Variants in BEST3 observed in about 807,000 individuals in gnomAD.
BEST3 encodes the protein bestrophin 3.
Under a neutral mutation model 47.1 loss-of-function variants are expected in BEST3, and 50 were observed. The ratio of observed to expected loss-of-function variants is 1.06; its 90% confidence interval spans 0.85 to 1.34. The LOEUF is 1.34. BEST3 is among the 40% of genes most tolerant of loss of function. BEST3 has a pLI of 0.00. For synonymous variants in BEST3, 282 were observed against 298.8 expected (o/e 0.94, Z 0.58); for missense variants, 765 against 817.0 (o/e 0.94, Z 0.78).
At chr12:69,670,578 C>T (rs369898375) in intron 9 of BEST3, 2 of 702,366 alleles carry the variant, frequency 2.8e-6, no homozygotes, top group African/African-American at 1.7e-5. Flanking sequence ...AGCGAGATCT[C>T]CTGAAAGTAG....
At chr12:69,647,564 T>C (rs1883077759) in intron 9 of BEST3, among the ~76,000 whole-genome samples, 1 of 152,124 alleles carries the variant, frequency 6.6e-6, no homozygotes, top group African/African-American at 2.4e-5. Context: ...ATGTAGAACT[T>C]ATGAAAGGTT....
intron 4 of BEST3, among the ~76,000 whole-genome samples, chr12:69,691,275 G>T (rs1386799457): frequency 6.6e-6 from 1 of 152,090 alleles, no homozygotes; most frequent in Non-Finnish European, 1.5e-5. Flanking sequence ...CAAGCCTATG[G>T]GATATATGAG....
chr12:69,661,772 C>A (rs577611274), intron 9 of BEST3, among the ~76,000 whole-genome samples: 1 of 152,282 alleles, frequency 6.6e-6, no homozygotes, highest in South Asian at 2.1e-4. Context: ...TCCAGAGCAT[C>A]CTAGAAGGTA....
intron 3 of BEST3, 47 bp from the exon 4 acceptor site, chr12:69,693,954 G>A (rs201934003): frequency 1.8e-5 from 25 of 1,401,786 alleles, no homozygotes; most frequent in Middle Eastern, 3.6e-4. Flanking sequence ...CAGCAGACAC[G>A]TTGGTGACAC....
intron 4 of BEST3, among the ~76,000 whole-genome samples, chr12:69,687,979 A>G (rs1747034011): frequency 6.6e-6 from 1 of 152,246 alleles, no homozygotes; most frequent in African/African-American, 2.4e-5. Flanking sequence ...TGTACACACA[A>G]TAAACCTTTG....
intron 4 of BEST3, among the ~76,000 whole-genome samples, chr12:69,693,420 C>T (rs1271591852): frequency 1.3e-5 from 2 of 151,878 alleles, no homozygotes; most frequent in African/African-American, 4.8e-5. Flanking sequence ...CACGCCACCA[C>T]GCCCGGCTAA....
At chr12:69,673,643 C>T (rs1884718620) in intron 7 of BEST3, among the ~76,000 whole-genome samples, 1 of 151,986 alleles carries the variant, frequency 6.6e-6, no homozygotes, top group African/African-American at 2.4e-5. Flanking sequence ...GGGGTTTCAC[C>T]ATGTTGGCCA....
At chr12:69,668,048 G>C (rs1645749411) in intron 9 of BEST3, among the ~76,000 whole-genome samples, 1 of 152,184 alleles carries the variant, frequency 6.6e-6, no homozygotes, top group African/African-American at 2.4e-5. Context: ...TGTCTCCAAG[G>C]AGTTTCCTTC....
downstream of BEST3, among the ~76,000 whole-genome samples, chr12:69,650,515 T>A (rs2135898328): frequency 6.6e-6 from 1 of 152,284 alleles, no homozygotes; most frequent in Non-Finnish European, 1.5e-5. Context: ...ATCATGTAGA[T>A]GATTGTGATA....
intron 9 of BEST3, chr12:69,670,510 T>G (rs1482353166): frequency 4.3e-6 from 3 of 702,742 alleles, no homozygotes; most frequent in Non-Finnish European, 7.8e-6. Flanking sequence ...GGAAGAGAAG[T>G]GCCACAAACC....
At chr12:69,651,268 TC>T (rs1376998858), downstream of BEST3, among the ~76,000 whole-genome samples, 2 of 152,198 alleles carry the variant, frequency 1.3e-5, no homozygotes, top group East Asian at 3.9e-4. Flanking sequence ...CCCAGCCTCC[TC>T]TCACGATGCC....
At chr12:69,693,556 C>T (rs1023301163) in intron 4 of BEST3, 118 bp downstream of exon 4, 11 of 887,914 alleles carry the variant, frequency 1.2e-5, no homozygotes, top group Non-Finnish European at 1.9e-5. Flanking sequence ...TGAGCCACCG[C>T]GCCCAACCAA....
chr12:69,690,291 C>T (rs894209395), intron 4 of BEST3, among the ~76,000 whole-genome samples: 8 of 152,196 alleles, frequency 5.3e-5, no homozygotes, highest in Admixed American at 6.5e-5. Flanking sequence ...AGAAGTATTT[C>T]AGTATTCCAC....
intron 9 of BEST3, among the ~76,000 whole-genome samples, chr12:69,666,295 G>A (rs1422422438): frequency 6.6e-6 from 1 of 152,208 alleles, no homozygotes; most frequent in Non-Finnish European, 1.5e-5. Context: ...TGGGATTACA[G>A]GCGTGGGCCA....
At chr12:69,684,298 C>T (rs1284808649) in intron 4 of BEST3, 3 of 377,502 alleles carry the variant, frequency 7.9e-6, no homozygotes, top group Non-Finnish European at 9.4e-6. Flanking sequence ...TAAAATCTAT[C>T]TCTCAATATA....
At chr12:69,655,900 G>A in intron 9 of BEST3, 87 bp from the exon 10 acceptor site, 1 of 1,492,798 alleles carries the variant, frequency 6.7e-7, no homozygotes, top group African/African-American at 1.4e-5. Flanking sequence ...AGATGACTTT[G>A]GTATTTTTGC....
intron 4 of BEST3, chr12:69,684,233 C>A (rs1182619492): frequency 4.0e-6 from 1 of 251,758 alleles, no homozygotes; most frequent in Non-Finnish European, 7.5e-6. Flanking sequence ...CAGCTCTGCT[C>A]AGCAATTTTC....
chr12:69,678,697 C>G (rs753157618), intron 5 of BEST3, 42 bp downstream of exon 5: 2 of 1,592,780 alleles, frequency 1.3e-6, no homozygotes, highest in Middle Eastern at 1.7e-4. Context: ...CCTTCTTGGT[C>G]TCTAATTAGC....
Position 69,654,884 on chromosome 12 carries a change from C to G in BEST3, c.*23G>C, listed in dbSNP as rs770903226. The G allele has an allele frequency of 6.3e-6, 10 of 1,592,582 alleles. No homozygotes were observed. Among genetic ancestry groups the G allele is most frequent in the South Asian group, 1.1e-5 (1 of 87,994 alleles). ...GGGAGGTAAGAATCTAGGCTAGAAC[C>G]AGGTCCTAGAACTTGGTGGCACTCA... On this transcript the variant is annotated 3_prime_UTR_variant, in exon 10 of 10. Transcript: ENST00000330891.
Sources: allele counts gnomAD v4.1 joint callset (sites outside exome capture counted in the v4.1 genomes callset), GRCh38; gene constraint gnomAD v4.1.1; transcripts MANE v1.5; gene names NCBI Gene and HGNC (gene_info 2026-07-23, HGNC 2026-07-21).